SPTBN4: variants seen among roughly 807,000 people sequenced by gnomAD.
SPTBN4 encodes the protein spectrin beta, non-erythrocytic 4.
Under a neutral mutation model 277.8 loss-of-function variants are expected in SPTBN4, and 96 were observed. That is an observed-to-expected ratio of 0.35 (90% confidence interval 0.29 to 0.41). SPTBN4 has a LOEUF of 0.41. Ranked by LOEUF, SPTBN4 falls within the 10% of genes least tolerant of loss-of-function variation. The probability of loss-of-function intolerance (pLI) is 1.00; values close to 1 mark genes in which losing one functional copy is unlikely to be tolerated. For missense variants in SPTBN4, 3,006 were observed against 3,595.7 expected, an observed-to-expected ratio of 0.84 and a Z score of 4.19; for synonymous variants, 1,481 against 1,580.3, an observed-to-expected ratio of 0.94 and a Z score of 1.49.
chr19:40,538,347 CCT>C (rs10607510), intron 20 of SPTBN4, among the ~76,000 whole-genome samples: 150,072 of 150,566 alleles, frequency 1, 74,803 homozygotes, highest in Middle Eastern at 1. Context: ...CAAGATTGCA[CCT>C]CACTGCACTC....
chr19:40,529,596 G>A (rs2145892437), intron 18 of SPTBN4, among the ~76,000 whole-genome samples: 1 of 152,154 alleles, frequency 6.6e-6, no homozygotes, highest in African/African-American at 2.4e-5. Context: ...CTTCCCTTAG[G>A]GATGATCTGC....
Position 40,569,152 on chromosome 19 carries a change from G to T in SPTBN4, c.6957-505G>T, listed in dbSNP as rs562417854. Among the ~76,000 whole-genome samples the T allele has an allele frequency of 5.3e-5, 8 of 152,252 alleles. No homozygotes were observed. The South Asian group carries it at 1.7e-3, about 32-fold the overall frequency. ...TTAAAATTCAAAGGGGCATCTGGGCGCGGTGGCTCACGCCTGTAATCTCAG... is the reference window on the plus strand; with the variant it reads ...TTAAAATTCAAAGGGGCATCTGGGCTCGGTGGCTCACGCCTGTAATCTCAG... On this transcript the variant is annotated intron_variant, in intron 31 of 35. Transcript: ENST00000598249.
At position 40,549,170 on chromosome 19, in the gene SPTBN4, C is replaced by T; in HGVS notation, c.4360-19C>T. 2 of 1,530,378 alleles carry T rather than the reference C, an allele frequency of 1.3e-6. No homozygotes were observed. Among genetic ancestry groups the T allele is most frequent in the East Asian group, 2.5e-5 (1 of 40,196 alleles). The allele number at this position is 1,530,378 out of a possible 1,614,324, so 94.8% of individuals were successfully genotyped here. Reference sequence around the variant, plus strand: ...AGGAGGGCGGGTGGGGCCCATTGACCCTGCCTCTGTCCCCACAGTCCATGG... The same window carrying T: ...AGGAGGGCGGGTGGGGCCCATTGACTCTGCCTCTGTCCCCACAGTCCATGG... On this transcript the variant is annotated intron_variant, in intron 20 of 35. Coordinates refer to ENST00000598249, the MANE Select transcript of SPTBN4 (RefSeq NM_020971.3).
chr19:40,482,329 C>T (rs2080021475), intron 2 of SPTBN4, among the ~76,000 whole-genome samples: 2 of 152,060 alleles, frequency 1.3e-5, no homozygotes, highest in South Asian at 4.1e-4. Flanking sequence ...CCTCGGCCTC[C>T]CAAAGTGCTG....
At chr19:40,492,181 G>GGGAGT (rs2080146226) in intron 4 of SPTBN4, among the ~76,000 whole-genome samples, 1 of 152,258 alleles carries the variant, frequency 6.6e-6, no homozygotes, top group East Asian at 1.9e-4. Context: ...AAGACACTCA[G>GGGAGT]GGAGTGGAGT....
At chr19:40,481,514 C>T (rs1016293103) in intron 2 of SPTBN4, among the ~76,000 whole-genome samples, 6 of 152,230 alleles carry the variant, frequency 3.9e-5, no homozygotes, top group African/African-American at 7.2e-5. Context: ...CCCACTCTGT[C>T]GCCCAGGCTG....
chr19:40,534,013 A>C, intron 19 of SPTBN4, 67 bp from the exon 20 acceptor site: 1 of 1,507,294 alleles, frequency 6.6e-7, no homozygotes, highest in African/African-American at 1.4e-5. Flanking sequence ...ACTCTCCCAC[A>C]CTTCTCTGAT....
chr19:40,560,056 AG>A lies in SPTBN4; in HGVS notation c.5671-101del. On this transcript the variant is annotated intron_variant, in intron 26 of 35. Transcript: ENST00000598249. This position sits in a 1 kb window ranked among gnomAD's most constrained non-coding sequence, Gnocchi z 5.2. ...AGCCTGGCTGTGGGATCACAGTGTG[AG>A]GCTCCTTATATCTTGAGGTTCTGCG... 2 of 1,444,152 alleles carry A rather than the reference AG, an allele frequency of 1.4e-6. No individual in the cohort carries two copies. Among genetic ancestry groups the A allele is most frequent in the Non-Finnish European group, 1.8e-6 (2 of 1,103,080 alleles). The allele number at this position is 1,444,152 out of a possible 1,614,324, so 89.5% of individuals were successfully genotyped here.
intron 26 of SPTBN4, 48 bp downstream of exon 26, chr19:40,557,451 G>C (rs1232705345): frequency 7.3e-6 from 11 of 1,499,100 alleles, no homozygotes; most frequent in Non-Finnish European, 8.9e-6. Flanking sequence ...CTGGACAGCT[G>C]TGGGCAGCAG....
Position 40,568,109 on chromosome 19 carries a change from T to A in SPTBN4, c.6783T>A (p.Ala2261=). The A allele has an allele frequency of 1.3e-6, 2 of 1,569,906 alleles. No homozygotes were observed. Among genetic ancestry groups the A allele is most frequent in the Non-Finnish European group, 1.7e-6 (2 of 1,157,806 alleles). Residue 2261 remains alanine (A), a synonymous_variant, in exon 31 of 36, where the codon GCT becomes GCA. Transcript: ENST00000598249. ...RQESVDQSEE[A]ARRRRPERQE... ...AGTCAGTCGATCAATCCGAGGAGGC[T>A]GCGCGGAGGCGGCGGCCGGAGCGGC...
At chr19:40,478,146 A>G (rs776381351) in intron 2 of SPTBN4, among the ~76,000 whole-genome samples, 1 of 152,126 alleles carries the variant, frequency 6.6e-6, no homozygotes, top group South Asian at 2.1e-4. Context: ...GGCAGAAGCC[A>G]GCTCTTAAAG....
intron 32 of SPTBN4, 77 bp downstream of exon 32, chr19:40,569,803 G>A: frequency 1.4e-6 from 2 of 1,424,628 alleles, no homozygotes; most frequent in South Asian, 1.2e-5. Flanking sequence ...GAAACAGCCA[G>A]TGCCTAGCCC....
chr19:40,554,544 A>G lies in SPTBN4; in HGVS notation c.4982A>G (p.Lys1661Arg). The G allele has an allele frequency of 6.7e-7, 1 of 1,496,650 alleles. No individual in the cohort carries two copies. Among genetic ancestry groups the G allele is most frequent in the Non-Finnish European group, 8.9e-7 (1 of 1,119,396 alleles). 92.7% of individuals were successfully genotyped at this position (1,496,650 alleles called of 1,614,324 possible). A position where few individuals can be genotyped will look rare whatever the true frequency, so the allele number is the denominator to read the frequency against. ...GAACAGAGCACCCTGCAGCTGCTCA[A>G]GAAACACCTGCAGCTGGAGCAAGGC... is the stretch of plus-strand genomic sequence containing the variant. ...KDEQSTLQLL[K>R]KHLQLEQGVE... The change falls in exon 24 of 36, where the codon AAG (lysine) becomes AGG (arginine). Residue 1661 changes from lysine to arginine, a missense_variant. Physicochemically the swap from Lys to Arg is conservative, Grantham distance 26. Around this residue, in one of 5 missense-constraint regions of SPTBN4, gnomAD observed 425 missense variants for 594.7 expected, o/e 0.71. Transcript: ENST00000598249. The surrounding 1 kb of genome is among the most constrained non-coding windows in gnomAD (Gnocchi z 5.7).
chr19:40,483,126 C>A (rs73048175), intron 2 of SPTBN4, among the ~76,000 whole-genome samples: 1 of 151,954 alleles, frequency 6.6e-6, no homozygotes, highest in Non-Finnish European at 1.5e-5. Context: ...CCTCTTTTTG[C>A]GAATGTGAAA....
At chr19:40,467,623 C>CG (rs562140429) in intron 1 of SPTBN4, among the ~76,000 whole-genome samples, 3,224 of 104,506 alleles carry the variant, frequency 0.031, 105 homozygotes, top group African/African-American at 0.045. Flanking sequence ...CCAGCCTTTG[C>CG]GGGGGGGGGG....
rs775732562 is a variant in SPTBN4, at chr19:40,519,416, G to A, written c.2919G>A (p.Val973=). 3.8e-6 allele frequency: 6 copies of A among 1,578,500 alleles called. No homozygotes were observed. The highest frequency in any genetic ancestry group is 5.2e-6 in the Non-Finnish European group (6 of 1,164,548). The change falls in exon 16 of 36, where the codon GTG becomes GTA. Residue 973 remains valine (V), a synonymous_variant. Transcript: ENST00000598249. This position sits in a 1 kb window ranked among gnomAD's most constrained non-coding sequence, Gnocchi z 5.7. ...CCCTGGGCAGGTGGAACCGCATCGT[G>A]GAGCTAGTGGAACAGCGCAAAGAGG... ...DHLNSRWNRI[V]ELVEQRKEEM... is the part of the protein sequence containing the mutation.
intron 2 of SPTBN4, among the ~76,000 whole-genome samples, chr19:40,478,345 T>G (rs1248890113): frequency 2.0e-5 from 3 of 152,020 alleles, no homozygotes; most frequent in African/African-American, 7.2e-5. Context: ...CCTCTCCAGT[T>G]TGGGCAACAA....
chr19:40,547,956 G>T (rs906612625), intron 20 of SPTBN4, among the ~76,000 whole-genome samples: 1 of 152,124 alleles, frequency 6.6e-6, no homozygotes, highest in Non-Finnish European at 1.5e-5. Flanking sequence ...TACTTACTCT[G>T]TTTAGGTCTT....
At chr19:40,571,090 G>A (rs2145961030) in intron 33 of SPTBN4, 1 of 216,192 alleles carries the variant, frequency 4.6e-6, no homozygotes, top group Middle Eastern at 1.6e-3. Flanking sequence ...AAAATGTTCT[G>A]AAAGTGAGTA....
Sources: allele counts gnomAD v4.1 joint callset (sites outside exome capture counted in the v4.1 genomes callset), GRCh38; gene constraint gnomAD v4.1.1; regional missense constraint gnomAD v4.1.1; non-coding constraint Gnocchi (gnomAD v3.1); transcripts MANE v1.5; gene names NCBI Gene and HGNC (gene_info 2026-07-23, HGNC 2026-07-21).